The following TMEM132D variants were observed in gnomAD, a reference collection of about 807,000 sequenced individuals.
TMEM132D encodes mature OL transmembrane protein.
TMEM132D carries 21 observed loss-of-function variants against 62.3 expected under a neutral mutation model. The ratio of observed to expected loss-of-function variants is 0.34; its 90% CI spans 0.24 to 0.49. The LOEUF is 0.49. TMEM132D is among the 20% of genes least tolerant of loss of function. TMEM132D has a pLI of 0.99. For missense variants in TMEM132D, 1,346 were observed against 1,402.8 expected (o/e 0.96, Z 0.65); for synonymous variants, 621 against 575.6 (o/e 1.08, Z -1.13).
intron 4 of TMEM132D, among the ~76,000 whole-genome samples, chr12:129,311,033 C>T (rs60769284): frequency 1.0e-5 from 1 of 96,486 alleles, no homozygotes; most frequent in Non-Finnish European, 1.9e-5. Context: ...CCCGTCTCTA[C>T]TAAAAATACA....
intron 4 of TMEM132D, among the ~76,000 whole-genome samples, chr12:129,306,538 G>T (rs1881849858): frequency 6.6e-6 from 1 of 152,156 alleles, no homozygotes; most frequent in Admixed American, 6.5e-5. Flanking sequence ...GATGTTGATT[G>T]TTGTGGCTTG....
At chr12:129,506,101 A>C (rs1014595930) in intron 3 of TMEM132D, among the ~76,000 whole-genome samples, 11 of 151,998 alleles carry the variant, frequency 7.2e-5, no homozygotes, top group African/African-American at 2.7e-4. Context: ...TTTTATTGTA[A>C]TTTTTGTTTT....
intron 4 of TMEM132D, among the ~76,000 whole-genome samples, chr12:129,328,448 C>T (rs182283400): frequency 5.9e-5 from 9 of 152,298 alleles, no homozygotes; most frequent in East Asian, 1.9e-4. Flanking sequence ...AATAACCACA[C>T]GGTGAGCAAC....
At chr12:129,394,935 C>G (rs2135696531) in intron 3 of TMEM132D, among the ~76,000 whole-genome samples, 1 of 152,284 alleles carries the variant, frequency 6.6e-6, no homozygotes, top group African/African-American at 2.4e-5. Flanking sequence ...AACACACGAA[C>G]AGTCTTTGAC....
At chr12:129,183,814 C>T (rs567858730) in intron 5 of TMEM132D, among the ~76,000 whole-genome samples, 8 of 144,776 alleles carry the variant, frequency 5.5e-5, no homozygotes, top group South Asian at 4.3e-4. Flanking sequence ...GGTAGGGGCA[C>T]GGATGATTCT....
chr12:129,552,464 A>C (rs937204578), intron 2 of TMEM132D, among the ~76,000 whole-genome samples: 2 of 152,012 alleles, frequency 1.3e-5, no homozygotes, highest in African/African-American at 2.4e-5. Context: ...GCATCTGTTT[A>C]TATTCATTAT....
chr12:129,813,273 C>A (rs112761961), intron 1 of TMEM132D, among the ~76,000 whole-genome samples: 16 of 151,688 alleles, frequency 1.1e-4, no homozygotes, highest in Admixed American at 1.0e-3. Context: ...TCCTCACATA[C>A]TCCCGACCTC....
chr12:129,223,290 C>T (rs558687631), intron 4 of TMEM132D, among the ~76,000 whole-genome samples: 1 of 151,924 alleles, frequency 6.6e-6, no homozygotes, highest in African/African-American at 2.4e-5. Flanking sequence ...GAGGCTAGGT[C>T]CTAAAAGCCA....
At chr12:129,816,817 C>T (rs747002605) in intron 1 of TMEM132D, among the ~76,000 whole-genome samples, 70 of 152,136 alleles carry the variant, frequency 4.6e-4, no homozygotes, top group South Asian at 8.3e-4. Flanking sequence ...CTAAAACGAA[C>T]GCAGATGATG....
chr12:129,473,512 G>C (rs900463094), intron 3 of TMEM132D, among the ~76,000 whole-genome samples: 3 of 151,586 alleles, frequency 2.0e-5, no homozygotes, highest in African/African-American at 7.3e-5. Context: ...TGTATTTTTA[G>C]TAGAGATGGG....
intron 5 of TMEM132D, among the ~76,000 whole-genome samples, chr12:129,157,610 T>C (rs895294396): frequency 2.0e-5 from 3 of 152,232 alleles, no homozygotes; most frequent in African/African-American, 7.2e-5. Flanking sequence ...ACTTTACAAA[T>C]GCAAATGAAA....
chr12:129,618,026 A>G (rs1488707023), intron 2 of TMEM132D, among the ~76,000 whole-genome samples: 4 of 152,096 alleles, frequency 2.6e-5, no homozygotes, highest in Admixed American at 6.6e-5. Flanking sequence ...TCACTTCCCA[A>G]TCCGTGAAAT....
Position 129,094,674 on chromosome 12 carries a change from A to T in TMEM132D, c.1444-9972T>A, listed in dbSNP as rs376804087. Among the ~76,000 whole-genome samples, 8 of 152,318 alleles carry T rather than the reference A, an allele frequency of 5.3e-5. No individual in the cohort carries two copies. In the East Asian group the frequency reaches 1.4e-3, roughly 26 times the overall value. The stretch of plus-strand genomic sequence containing the variant: ...AAATACCATTTGACCCAGCCATCCT[A>T]TTACTGGGTATATACCCAAAGGATT... On this transcript the variant is annotated intron_variant, in intron 5 of 8. Transcript: ENST00000422113.
intron 2 of TMEM132D, among the ~76,000 whole-genome samples, chr12:129,667,244 T>C (rs911975545): frequency 6.6e-6 from 1 of 152,202 alleles, no homozygotes; most frequent in African/African-American, 2.4e-5. Flanking sequence ...GACAGAGATA[T>C]AAAATTTTAT....
At chr12:129,518,100 G>C (rs993274350) in intron 3 of TMEM132D, among the ~76,000 whole-genome samples, 2 of 152,094 alleles carry the variant, frequency 1.3e-5, no homozygotes, top group Admixed American at 6.6e-5. Context: ...CCCCCCTAAG[G>C]AGGATAAACA....
chr12:129,082,308 T>C (rs1288820474), intron 6 of TMEM132D, among the ~76,000 whole-genome samples: 2 of 152,154 alleles, frequency 1.3e-5, no homozygotes, highest in Non-Finnish European at 2.9e-5. Context: ...AACCTCTCCC[T>C]TTGAGTGTGG....
intron 1 of TMEM132D, among the ~76,000 whole-genome samples, chr12:129,733,435 C>T (rs927583050): frequency 6.6e-6 from 1 of 152,162 alleles, no homozygotes; most frequent in Non-Finnish European, 1.5e-5. Context: ...CCACCAGTCA[C>T]GCGGGTGAAT....
chr12:129,759,963 T>C lies in TMEM132D; in HGVS notation c.80-59265A>G, dbSNP rs140037666. Among the ~76,000 whole-genome samples the C allele has an allele frequency of 6.4e-3, 979 of 152,152 alleles. 18 individuals are homozygous for C. The highest frequency in any genetic ancestry group is 0.022 in the African/African-American group (934 of 41,516). On this transcript the variant is annotated intron_variant, in intron 1 of 8. Transcript: ENST00000422113. ...CTCTGTTGCCCAGACTGGAGTACAG[T>C]GGTGCAATCATAGCTCACTGCAGCC...
At chr12:129,386,508 G>C (rs1340645507) in intron 3 of TMEM132D, among the ~76,000 whole-genome samples, 19 of 136,444 alleles carry the variant, frequency 1.4e-4, no homozygotes, top group South Asian at 2.4e-4. Context: ...AATGCTAACA[G>C]TATCACTAAT....
Sources: gnomAD v4.1 joint callset for allele counts (sites outside exome capture counted in the v4.1 genomes callset) on GRCh38, gnomAD v4.1.1 for gene constraint, MANE v1.5 for transcripts, NCBI Gene and HGNC (gene_info 2026-07-23, HGNC 2026-07-21) for gene names.